Variants in DEK observed in about 807,000 individuals in gnomAD.
DEK encodes the protein protein DEK.
In DEK, 28 loss-of-function variants were observed where a neutral mutation model predicts 46.8. The observed-to-expected ratio is 0.60, with a 90% CI of 0.44 to 0.82. The LOEUF (loss-of-function observed/expected upper bound fraction) is 0.82, where lower values mean the gene tolerates loss of function less well. Ranked by LOEUF, DEK falls within the 40% of genes least tolerant of loss-of-function variation. The pLI, the probability that DEK is intolerant of heterozygous loss-of-function variation, is 0.00. For missense variants in DEK, 416 were observed against 430.6 expected (o/e 0.97, Z 0.30); for synonymous variants, 160 against 144.5 (o/e 1.11, Z -0.77).
chr6:18,239,361 T>TTTTA (rs1554159249), intron 7 of DEK, among the ~76,000 whole-genome samples: 2 of 120,484 alleles, frequency 1.7e-5, no homozygotes, highest in Non-Finnish European at 1.7e-5. Flanking sequence ...TTTTTTTTTT[T>TTTTA]AAAAAAAAGA....
intron 9 of DEK, among the ~76,000 whole-genome samples, chr6:18,226,886 C>G (rs1269299580): frequency 6.6e-6 from 1 of 152,200 alleles, no homozygotes; most frequent in Non-Finnish European, 1.5e-5. Context: ...TGCTGTTACT[C>G]TCTGAAACAT....
intron 6 of DEK, among the ~76,000 whole-genome samples, chr6:18,253,356 T>C (rs1791473981): frequency 6.6e-6 from 1 of 152,214 alleles, no homozygotes; most frequent in Non-Finnish European, 1.5e-5. Flanking sequence ...ACTAGAATTC[T>C]GGAAAATTCA....
At chr6:18,259,097 G>A (rs1791725841) in intron 2 of DEK, among the ~76,000 whole-genome samples, 1 of 152,070 alleles carries the variant, frequency 6.6e-6, no homozygotes, top group Admixed American at 6.6e-5. Flanking sequence ...TTGGGAGGCT[G>A]AGGCGGGCGG....
At chr6:18,245,490 G>T (rs1308510253) in intron 7 of DEK, among the ~76,000 whole-genome samples, 2 of 151,430 alleles carry the variant, frequency 1.3e-5, no homozygotes, top group Admixed American at 6.6e-5. Flanking sequence ...CTAAATACTC[G>T]TAAAACTCCA....
intron 10 of DEK, 73 bp from the exon 11 acceptor site, chr6:18,225,803 C>T (rs1790097723): frequency 6.4e-7 from 1 of 1,557,262 alleles, no homozygotes; most frequent in Non-Finnish European, 8.8e-7. Flanking sequence ...ATCTATTTTA[C>T]TATTTTGTCC....
intron 8 of DEK, 115 bp from the exon 9 acceptor site, chr6:18,236,715 A>T: frequency 4.4e-6 from 3 of 683,964 alleles, no homozygotes; most frequent in Non-Finnish European, 6.4e-6. Context: ...GATCAAAAAA[A>T]TTATAAATCA....
intron 7 of DEK, chr6:18,244,438 C>A (rs1791024298): frequency 5.4e-6 from 4 of 737,952 alleles, no homozygotes; most frequent in Admixed American, 2.7e-5. Context: ...CATGAAGGTA[C>A]AGAATCAGAG....
At chr6:18,254,845 T>C (rs1418722692) in intron 6 of DEK, among the ~76,000 whole-genome samples, 1 of 152,214 alleles carries the variant, frequency 6.6e-6, no homozygotes, top group Non-Finnish European at 1.5e-5. Context: ...CCCTTGCGTT[T>C]GTAGTTGTAT....
In DEK at chr6:18,263,960, C is replaced by A; in HGVS notation, c.28G>T (p.Gly10Trp). The change falls in exon 2 of 11, where the codon GGG (glycine) becomes TGG (tryptophan). Residue 10 changes from glycine to tryptophan, a missense_variant. Gly to Trp is a radical substitution (Grantham distance 184). Coordinates refer to ENST00000652689, the MANE Select transcript of DEK (RefSeq NM_003472.4). MSASAPAAEGEGTPTQPASE... is the reference protein window; with the variant it reads MSASAPAAEWEGTPTQPASE... ...GCGGGCTGGGTGGGGGTTCCCTCCCCCTCCGCAGCAGGGGCCGAGGCGGAC... is the reference window on the plus strand; with the variant it reads ...GCGGGCTGGGTGGGGGTTCCCTCCCACTCCGCAGCAGGGGCCGAGGCGGAC... The A allele has an allele frequency of 3.1e-6, 5 of 1,612,680 alleles. No homozygotes were observed. Among genetic ancestry groups the A allele is most frequent in the East Asian group, 2.2e-5 (1 of 44,750 alleles).
intron 9 of DEK, among the ~76,000 whole-genome samples, chr6:18,226,576 C>G (rs1561970127): frequency 6.6e-6 from 1 of 152,146 alleles, no homozygotes; most frequent in African/African-American, 2.4e-5. Context: ...CCCAGGAATT[C>G]GAAACCAGCC....
At chr6:18,253,765 T>G (rs1460189057) in intron 6 of DEK, among the ~76,000 whole-genome samples, 2 of 152,112 alleles carry the variant, frequency 1.3e-5, no homozygotes, top group Admixed American at 6.5e-5. Flanking sequence ...TCACCTAGGA[T>G]GGAATGCAGT....
intron 7 of DEK, among the ~76,000 whole-genome samples, chr6:18,246,527 C>T (rs1027958578): frequency 1.3e-5 from 2 of 152,196 alleles, no homozygotes; most frequent in Non-Finnish European, 2.9e-5. Context: ...CTAAATCTGA[C>T]ATTTTCTTTT....
At position 18,236,526 on chromosome 6, in the gene DEK, A is replaced by C; in HGVS notation, c.973T>G (p.Leu325Val). The C allele has an allele frequency of 6.2e-7, 1 of 1,601,850 alleles. No homozygotes were observed. Among genetic ancestry groups the C allele is most frequent in the Non-Finnish European group, 8.5e-7 (1 of 1,176,432 alleles). ...KLKKPPTDEE[L>V]KETIKKLLAS... is the part of the protein sequence containing the mutation. ...AGTAATTTCTTTATTGTTTCCTTTA[A>C]CTCTTCATCTGTAGGGGGTTTCTTC... Residue 325 changes from leucine (L) to valine (V), a missense_variant, in exon 9 of 11, where the codon TTA becomes GTA. Transcript: ENST00000652689.
intron 6 of DEK, among the ~76,000 whole-genome samples, chr6:18,252,733 C>T (rs1459243909): frequency 6.6e-6 from 1 of 152,116 alleles, no homozygotes; most frequent in Admixed American, 6.5e-5. Flanking sequence ...AATAGCAACA[C>T]TATTTATCTG....
chr6:18,259,594 A>G (rs1161188592), intron 2 of DEK, among the ~76,000 whole-genome samples: 1 of 152,024 alleles, frequency 6.6e-6, no homozygotes, highest in Non-Finnish European at 1.5e-5. Context: ...AGCTGCACTC[A>G]ATACTAAGAG....
At chr6:18,227,722 CA>C (rs372753927) in intron 9 of DEK, among the ~76,000 whole-genome samples, 1 of 152,196 alleles carries the variant, frequency 6.6e-6, no homozygotes, top group African/African-American at 2.4e-5. Flanking sequence ...GTCTCAAAAA[CA>C]AAAAACCCCA....
chr6:18,232,381 A>AG (rs1433383400), intron 9 of DEK, among the ~76,000 whole-genome samples: 3 of 152,210 alleles, frequency 2.0e-5, no homozygotes, highest in Non-Finnish European at 4.4e-5. Flanking sequence ...GGCAGGAGAA[A>AG]GAAAATAAAG....
chr6:18,255,452 A>G (rs1262722947), intron 6 of DEK, among the ~76,000 whole-genome samples: 1 of 152,170 alleles, frequency 6.6e-6, no homozygotes, highest in Non-Finnish European at 1.5e-5. Context: ...TGTCTTCTAG[A>G]TACCTAACCC....
chr6:18,232,653 A>C (rs1561974911), intron 9 of DEK, among the ~76,000 whole-genome samples: 1 of 152,216 alleles, frequency 6.6e-6, no homozygotes, highest in Non-Finnish European at 1.5e-5. Flanking sequence ...CAACTTAACA[A>C]GGGATGTGAA....
Sources: gnomAD v4.1 joint callset for allele counts (sites outside exome capture counted in the v4.1 genomes callset) on GRCh38, gnomAD v4.1.1 for gene constraint, MANE v1.5 for transcripts, NCBI Gene and HGNC (gene_info 2026-07-23, HGNC 2026-07-21) for gene names.